Variants in DACH2 observed in about 807,000 individuals in gnomAD.
The protein encoded by DACH2 is dachshund homolog 2.
A neutral mutation model predicts 35.8 loss-of-function variants in DACH2; 17 were observed. The ratio of observed to expected loss-of-function variants is 0.48; its 90% CI spans 0.33 to 0.71. The LOEUF is 0.71. Among genes scored for constraint, DACH2 ranks in the 30% least tolerant of loss-of-function variants. The pLI, the probability that DACH2 is intolerant of heterozygous loss-of-function variation, is 0.02. For synonymous variants in DACH2, 195 were observed against 177.3 expected (o/e 1.10, Z -0.79); for missense variants, 469 against 472.7 (o/e 0.99, Z 0.07).
At chrX:86,207,333 T>C (rs780613449) in intron 1 of DACH2, among the ~76,000 whole-genome samples, 2 of 111,377 alleles carry the variant, frequency 1.8e-5, no homozygotes, top group African/African-American at 3.3e-5. Context: ...CTATAATCAG[T>C]CTCTGTGCAA....
In DACH2 at chrX:86,734,186, T is replaced by C. The variant is rs2041568933; in HGVS notation, c.1105-5561T>C. The stretch of plus-strand genomic sequence containing the variant: ...GGACAAGTTCATCACATTAAAGAGA[T>C]GAGAGGGTTCTTTGTTCAGACACCA... On this transcript the variant is annotated intron_variant, in intron 6 of 11. Transcript: ENST00000373125. Among the ~76,000 whole-genome samples the C allele has an allele frequency of 3.6e-5, 4 of 111,219 alleles. No individual in the cohort carries two copies. In the South Asian group the frequency reaches 1.5e-3, roughly 42 times the overall value.
chrX:86,585,406 C>T (rs1354901228), intron 3 of DACH2, among the ~76,000 whole-genome samples: 1 of 110,826 alleles, frequency 9.0e-6, no homozygotes, highest in African/African-American at 3.3e-5. Flanking sequence ...TATCATTTAA[C>T]TTTTATTTTA....
intron 11 of DACH2, among the ~76,000 whole-genome samples, chrX:86,823,618 C>T (rs906225111): frequency 8.9e-6 from 1 of 111,939 alleles, no homozygotes; most frequent in African/African-American, 3.3e-5. Context: ...CCTGTTCTTT[C>T]ACTATCAGGG....
intron 2 of DACH2, among the ~76,000 whole-genome samples, chrX:86,477,339 C>CATATATATATATAT (rs56255658): frequency 2.5e-4 from 19 of 75,847 alleles, no homozygotes; most frequent in African/African-American, 6.6e-4. Context: ...GTGTTGAGTG[C>CATATATATATATAT]ATATATATAT....
At chrX:86,401,091 C>T (rs935911080) in intron 2 of DACH2, among the ~76,000 whole-genome samples, 1 of 111,936 alleles carries the variant, frequency 8.9e-6, no homozygotes, top group Non-Finnish European at 1.9e-5. Flanking sequence ...GGCGCTCCTC[C>T]CCCAGCCTCG....
At chrX:86,276,181 C>G (rs895110470) in intron 1 of DACH2, among the ~76,000 whole-genome samples, 2 of 111,864 alleles carry the variant, frequency 1.8e-5, no homozygotes, top group Admixed American at 1.9e-4. Context: ...CCTCCACATC[C>G]TCGCCAGCCT....
intron 2 of DACH2, among the ~76,000 whole-genome samples, chrX:86,489,557 G>A (rs910689470): frequency 9.0e-6 from 1 of 110,998 alleles, no homozygotes; most frequent in Non-Finnish European, 1.9e-5. Flanking sequence ...GAAGTAATGC[G>A]TATGTTAATT....
In DACH2 at chrX:86,255,311, A is replaced by G. The variant is rs748784137; in HGVS notation, c.488+106203A>G. On this transcript the variant is annotated intron_variant, in intron 1 of 11. Coordinates refer to ENST00000373125, the MANE Select transcript of DACH2 (RefSeq NM_053281.3). ...TTTGGCAATTTCTTCTCATCTTAGC[A>G]TACAGAATAGGTAAATTATGGTAAT... Among the ~76,000 whole-genome samples the G allele has an allele frequency of 4.5e-5, 5 of 112,043 alleles. No homozygotes were observed. The South Asian group carries it at 1.8e-3, about 41-fold the overall frequency.
intron 7 of DACH2, among the ~76,000 whole-genome samples, chrX:86,770,035 A>C (rs1569480269): frequency 9.0e-6 from 1 of 110,810 alleles, no homozygotes; most frequent in Admixed American, 9.7e-5. Flanking sequence ...GATAAGAAAA[A>C]AAAGCAAAAA....
chrX:86,590,538 G>A (rs1035401107), intron 3 of DACH2, among the ~76,000 whole-genome samples: 4 of 111,782 alleles, frequency 3.6e-5, no homozygotes, highest in East Asian at 5.7e-4. Context: ...TTTTATGGAG[G>A]TATATATGTG....
intron 11 of DACH2, among the ~76,000 whole-genome samples, chrX:86,820,858 C>G (rs1227824112): frequency 9.1e-6 from 1 of 110,365 alleles, no homozygotes; most frequent in African/African-American, 3.3e-5. Flanking sequence ...GCTTACTAAC[C>G]TAAAACAACA....
At chrX:86,614,698 T>G (rs1279506104) in intron 3 of DACH2, among the ~76,000 whole-genome samples, 1 of 111,391 alleles carries the variant, frequency 9.0e-6, no homozygotes, top group Non-Finnish European at 1.9e-5. Flanking sequence ...GTAGTGTTGT[T>G]GAAAGTCCTA....
At chrX:86,315,511 G>C (rs1028862792) in intron 1 of DACH2, among the ~76,000 whole-genome samples, 1 of 111,327 alleles carries the variant, frequency 9.0e-6, no homozygotes, top group South Asian at 3.8e-4. Context: ...GGCTATAGCG[G>C]CCACAGATAG....
chrX:86,251,299 G>A (rs984525970), intron 1 of DACH2, among the ~76,000 whole-genome samples: 3 of 111,420 alleles, frequency 2.7e-5, no homozygotes, highest in African/African-American at 9.8e-5. Context: ...AAATACTTTA[G>A]TCTGTTTGGA....
At chrX:86,795,813 C>T (rs768884375) in intron 7 of DACH2, among the ~76,000 whole-genome samples, 1 of 107,641 alleles carries the variant, frequency 9.3e-6, no homozygotes, top group Non-Finnish European at 1.9e-5. Flanking sequence ...TGCAGACCTT[C>T]GCAGGGAGTG....
chrX:86,355,312 G>A (rs996753604), intron 1 of DACH2, among the ~76,000 whole-genome samples: 2 of 111,621 alleles, frequency 1.8e-5, no homozygotes, highest in African/African-American at 3.3e-5. Flanking sequence ...ATAGTGTGGC[G>A]ATGAGCATAT....
chrX:86,671,940 A>G (rs909242084), intron 4 of DACH2, among the ~76,000 whole-genome samples: 1 of 111,578 alleles, frequency 9.0e-6, no homozygotes, highest in African/African-American at 3.3e-5. Context: ...TTGTAATATG[A>G]ACAGAGATGG....
chrX:86,211,308 C>T (rs942855582), intron 1 of DACH2, among the ~76,000 whole-genome samples: 2 of 111,506 alleles, frequency 1.8e-5, no homozygotes, highest in Admixed American at 9.6e-5. Flanking sequence ...CTGATTTCTA[C>T]TCTTAAGTAT....
chrX:86,149,185 A>G, intron 1 of DACH2, 77 bp downstream of exon 1: 1 of 1,074,366 alleles, frequency 9.3e-7, no homozygotes, highest in South Asian at 2.3e-5. Context: ...ACCCTCATCC[A>G]ACTTTGTTTG....
Sources: allele counts gnomAD v4.1 joint callset (sites outside exome capture counted in the v4.1 genomes callset), GRCh38; gene constraint gnomAD v4.1.1; transcripts MANE v1.5; gene names NCBI Gene and HGNC (gene_info 2026-07-23, HGNC 2026-07-21).